The following CELF2 variants were observed in gnomAD, a reference collection of about 807,000 sequenced individuals.
CELF2 encodes the protein CUGBP Elav-like family member 2, also known as CUG triplet repeat RNA-binding protein 2.
CELF2 carries 8 observed loss-of-function variants against 62.6 expected under a neutral mutation model. The observed-to-expected ratio is 0.13, with a 90% CI of 0.07 to 0.23. The LOEUF (loss-of-function observed/expected upper bound fraction) is 0.23. Ranked by LOEUF, CELF2 falls within the 10% of genes least tolerant of loss-of-function variation. CELF2 has a pLI of 1.00. For synonymous variants in CELF2, 258 were observed against 250.0 expected, an observed-to-expected ratio of 1.03 and a Z score of -0.30; for missense variants, 333 against 671.0, an observed-to-expected ratio of 0.50 and a Z score of 5.56.
At chr10:10,568,902 A>G in the CELF2 span, among the ~76,000 whole-genome samples, 1 of 152,146 alleles carries the variant, frequency 6.6e-6, no homozygotes, top group Non-Finnish European at 1.5e-5. Flanking sequence ...AATCTGAACT[A>G]CACTCAATTT....
chr10:10,544,441 G>A, the CELF2 span, among the ~76,000 whole-genome samples: 1 of 152,224 alleles, frequency 6.6e-6, no homozygotes, highest in South Asian at 2.1e-4. Flanking sequence ...GAACAAACGG[G>A]TTTTCGCTCT....
the CELF2 span, among the ~76,000 whole-genome samples, chr10:10,582,588 A>G: frequency 6.6e-6 from 1 of 152,236 alleles, no homozygotes; most frequent in South Asian, 2.1e-4. Context: ...TTGTTATTGC[A>G]TGTAATGAGT....
chr10:10,792,372 C>A, the CELF2 span: 1 of 398,190 alleles, frequency 2.5e-6, no homozygotes, highest in East Asian at 3.6e-5. Flanking sequence ...GAAGGCCTAC[C>A]TTTTTCTCGT....
chr10:11,287,417 G>A (rs1034636546), intron 8 of CELF2, among the ~76,000 whole-genome samples: 3 of 152,228 alleles, frequency 2.0e-5, no homozygotes, highest in African/African-American at 7.2e-5. Context: ...ACTATCCGGT[G>A]TAGACACCAG....
chr10:10,540,639 C>G, the CELF2 span, among the ~76,000 whole-genome samples: 1 of 152,108 alleles, frequency 6.6e-6, no homozygotes. Flanking sequence ...ATGAGTTCAT[C>G]AGATAACTTT....
At chr10:11,119,325 A>T (rs553474354) in intron 1 of CELF2, among the ~76,000 whole-genome samples, 15 of 152,360 alleles carry the variant, frequency 9.8e-5, no homozygotes, top group Admixed American at 2.6e-4. Context: ...CTTTGGTAAC[A>T]ATCCTGTGTC....
chr10:10,748,279 C>T, the CELF2 span, among the ~76,000 whole-genome samples: 1 of 152,060 alleles, frequency 6.6e-6, no homozygotes, highest in African/African-American at 2.4e-5. Context: ...GTGATGGATA[C>T]CTTAATACCC....
chr10:11,181,228 C>G (rs2073271064), intron 2 of CELF2, among the ~76,000 whole-genome samples: 1 of 152,166 alleles, frequency 6.6e-6, no homozygotes, highest in Admixed American at 6.5e-5. Context: ...TTAACCATGA[C>G]ATTGTCCTTG....
chr10:10,489,598 A>G, the CELF2 span, among the ~76,000 whole-genome samples: 1 of 152,270 alleles, frequency 6.6e-6, no homozygotes, highest in East Asian at 1.9e-4. Flanking sequence ...GTCAGTCAAA[A>G]ATAGCAACTG....
Position 11,217,584 on chromosome 10 carries a change from G to A in CELF2, c.354+77G>A. 1 of 1,087,688 alleles carries A rather than the reference G, an allele frequency of 9.2e-7. No individual in the cohort carries two copies. The highest frequency in any genetic ancestry group is 2.4e-5 in the East Asian group (1 of 41,066). 67.4% of individuals were successfully genotyped at this position (1,087,688 alleles called of 1,614,324 possible). A position where few individuals can be genotyped will look rare whatever the true frequency, so the allele number is the denominator to read the frequency against. ...CTTTCAACTGAAGGTTCTAGTTATG[G>A]GCTCTTAGTGCCAAAAATGACTTTG... On this transcript the variant is annotated intron_variant, in intron 3 of 12. Transcript: ENST00000633077. This position sits in a 1 kb window ranked among gnomAD's most constrained non-coding sequence, Gnocchi z 5.6.
chr10:10,539,344 A>G, the CELF2 span, among the ~76,000 whole-genome samples: 1 of 152,180 alleles, frequency 6.6e-6, no homozygotes. Flanking sequence ...TGTTTTTACA[A>G]CTGTTTTGTT....
chr10:11,168,247 C>T (rs2067807921), intron 2 of CELF2, among the ~76,000 whole-genome samples: 1 of 152,304 alleles, frequency 6.6e-6, no homozygotes, highest in Non-Finnish European at 1.5e-5. Context: ...AAATACAGGT[C>T]AATTCCCATT....
chr10:10,665,533 C>CTG, the CELF2 span, among the ~76,000 whole-genome samples: 1 of 152,088 alleles, frequency 6.6e-6, no homozygotes, highest in African/African-American at 2.4e-5. Context: ...GACTCGTTGT[C>CTG]CACCCTGGAC....
At chr10:10,652,066 G>T in the CELF2 span, among the ~76,000 whole-genome samples, 2 of 146,216 alleles carry the variant, frequency 1.4e-5, no homozygotes, top group African/African-American at 2.5e-5. Flanking sequence ...CGAGAACTAC[G>T]TGAAGAATGC....
chr10:11,120,266 T>G (rs1445529929), intron 1 of CELF2, among the ~76,000 whole-genome samples: 1 of 152,088 alleles, frequency 6.6e-6, no homozygotes, highest in Non-Finnish European at 1.5e-5. Flanking sequence ...AGACCCTACT[T>G]AATAGTCCCA....
chr10:11,235,189 G>A (rs888410981), intron 3 of CELF2, among the ~76,000 whole-genome samples: 10 of 152,114 alleles, frequency 6.6e-5, no homozygotes, highest in African/African-American at 2.4e-4. Flanking sequence ...ACATAAAGAG[G>A]CAAGCTTCGC....
At chr10:10,926,277 C>T (rs529430102) in intron 2 of CELF2, among the ~76,000 whole-genome samples, 35 of 152,146 alleles carry the variant, frequency 2.3e-4, no homozygotes, top group African/African-American at 7.2e-4. Flanking sequence ...ATGTCATGAG[C>T]GGATCAATGC....
chr10:11,234,440 T>A (rs2070238680), intron 3 of CELF2, among the ~76,000 whole-genome samples: 1 of 152,196 alleles, frequency 6.6e-6, no homozygotes, highest in Non-Finnish European at 1.5e-5. Flanking sequence ...CCCAGGACTT[T>A]GGGAGGCCGA....
the CELF2 span, among the ~76,000 whole-genome samples, chr10:10,623,192 G>C: frequency 6.7e-6 from 1 of 148,950 alleles, no homozygotes; most frequent in South Asian, 2.1e-4. Flanking sequence ...TGGCAGTACA[G>C]CTGCCTCTAT....
Sources: gnomAD v4.1 joint callset for allele counts (sites outside exome capture counted in the v4.1 genomes callset) on GRCh38, gnomAD v4.1.1 for gene constraint, Gnocchi (gnomAD v3.1) non-coding constraint, MANE v1.5 for transcripts, NCBI Gene and HGNC (gene_info 2026-07-23, HGNC 2026-07-21) for gene names.